NEURL1B: variants seen among roughly 807,000 people sequenced by gnomAD.
The protein encoded by NEURL1B is neuralized E3 ubiquitin protein ligase 1B, also known as E3 ubiquitin-protein ligase NEURL1B.
Under a neutral mutation model 37.4 loss-of-function variants are expected in NEURL1B, and 13 were observed. That is an observed-to-expected ratio of 0.35 (90% CI 0.23 to 0.55). NEURL1B has a LOEUF of 0.55. Among genes scored for constraint, NEURL1B ranks in the 20% least tolerant of loss-of-function variants. The probability of loss-of-function intolerance (pLI) is 0.89; values close to 1 mark genes in which losing one functional copy is unlikely to be tolerated. For synonymous variants in NEURL1B, 432 were observed against 426.6 expected (o/e 1.01, Z -0.16); for missense variants, 790 against 879.2 (o/e 0.90, Z 1.28).
chr5:172,666,141 A>G (rs1353934108), intron 1 of NEURL1B, among the ~76,000 whole-genome samples: 2 of 151,974 alleles, frequency 1.3e-5, no homozygotes, highest in Non-Finnish European at 2.9e-5. Context: ...GGTTTTTAAA[A>G]GGCAGAGAGA....
At position 172,641,375 on chromosome 5, in the gene NEURL1B, G is replaced by A. The variant is rs1017567218; in HGVS notation, c.-32G>A. The A allele has an allele frequency of 2.4e-5, 33 of 1,380,874 alleles. No individual in the cohort carries two copies. Among genetic ancestry groups the A allele is most frequent in the Non-Finnish European group, 3.0e-5 (32 of 1,067,386 alleles). The allele number at this position is 1,380,874 out of a possible 1,614,324, so 85.5% of individuals were successfully genotyped here. On this transcript the variant is annotated 5_prime_UTR_variant, in exon 1 of 5. Transcript: ENST00000369800. The surrounding 1 kb of genome is among the most constrained non-coding windows in gnomAD (Gnocchi z 6.4). Reference sequence around the variant, plus strand: ...TAATTAGCCTCCGCGCGCCCAGAGCGCGCCGCCGCCAACGCCGCGCCCGAC... The same window carrying A: ...TAATTAGCCTCCGCGCGCCCAGAGCACGCCGCCGCCAACGCCGCGCCCGAC...
In NEURL1B at chr5:172,689,237, G is replaced by C. The variant is rs1758579723; in HGVS notation, c.*2312G>C. 6.6e-6 allele frequency: 1 copy of C among 152,230 alleles called. No homozygotes were observed. Among genetic ancestry groups the C allele is most frequent in the Non-Finnish European group, 1.5e-5 (1 of 68,040 alleles). 9.4% of individuals were successfully genotyped at this position (152,230 alleles called of 1,614,324 possible). A position where few individuals can be genotyped will look rare whatever the true frequency, so the allele number is the denominator to read the frequency against. Reference sequence around the variant, plus strand: ...TTCCTGATGCTCTGAGCGTTACTCAGTGCTACAGAGGAGATGCACACGTCC... The same window carrying C: ...TTCCTGATGCTCTGAGCGTTACTCACTGCTACAGAGGAGATGCACACGTCC... On this transcript the variant is annotated 3_prime_UTR_variant, in exon 5 of 5. Transcript: ENST00000369800.
intron 2 of NEURL1B, among the ~76,000 whole-genome samples, chr5:172,682,037 T>C (rs549067903): frequency 6.6e-6 from 1 of 152,218 alleles, no homozygotes; most frequent in South Asian, 2.1e-4. Context: ...CTATTAATAG[T>C]GAAGGCTATT....
intron 1 of NEURL1B, among the ~76,000 whole-genome samples, chr5:172,660,041 G>A (rs1329683380): frequency 2.6e-5 from 4 of 152,326 alleles, no homozygotes; most frequent in East Asian, 3.9e-4. Context: ...GCATGTACCC[G>A]GCAGCCAGCG....
chr5:172,683,935 G>A lies in NEURL1B; in HGVS notation c.1094G>A (p.Arg365His). 2 of 1,403,552 alleles carry A rather than the reference G, an allele frequency of 1.4e-6. No individual in the cohort carries two copies. Among genetic ancestry groups the A allele is most frequent in the Non-Finnish European group, 1.9e-6 (2 of 1,073,304 alleles). 86.9% of individuals were successfully genotyped at this position (1,403,552 alleles called of 1,614,324 possible). A position where few individuals can be genotyped will look rare whatever the true frequency, so the allele number is the denominator to read the frequency against. Reference sequence around the variant, plus strand: ...GCCGACCCAGACGCGCTGCTCGACCGCAAAGAGTACTGGGTGGTGGCGCGC... The same window carrying A: ...GCCGACCCAGACGCGCTGCTCGACCACAAAGAGTACTGGGTGGTGGCGCGC... ...LPADPDALLD[R>H]KEYWVVARAG... is the part of the protein sequence containing the mutation. The change falls in exon 3 of 5, where the codon CGC (arginine) becomes CAC (histidine). Residue 365 changes from arginine to histidine, a missense_variant. Physicochemically the swap from Arg to His is conservative, Grantham distance 29 (BLOSUM62 0). Coordinates refer to ENST00000369800, the MANE Select transcript of NEURL1B (RefSeq NM_001142651.3). This position sits in a 1 kb window ranked among gnomAD's most constrained non-coding sequence, Gnocchi z 5.6.
At position 172,641,376 on chromosome 5, in the gene NEURL1B, C is replaced by T. The variant is rs1199313406; in HGVS notation, c.-31C>T. On this transcript the variant is annotated 5_prime_UTR_variant, in exon 1 of 5. Transcript: ENST00000369800. This position sits in a 1 kb window ranked among gnomAD's most constrained non-coding sequence, Gnocchi z 6.4. ...AATTAGCCTCCGCGCGCCCAGAGCG[C>T]GCCGCCGCCAACGCCGCGCCCGACG... 1.4e-6 allele frequency: 2 copies of T among 1,384,636 alleles called. No homozygotes were observed. Among genetic ancestry groups the T allele is most frequent in the Non-Finnish European group, 9.3e-7 (1 of 1,069,618 alleles). The allele number at this position is 1,384,636 out of a possible 1,614,324, so 85.8% of individuals were successfully genotyped here.
In NEURL1B at chr5:172,686,772, G is replaced by A. The variant is rs1203890918; in HGVS notation, c.1515G>A (p.Val505=). 1.3e-6 allele frequency: 2 copies of A among 1,551,792 alleles called. No homozygotes were observed. The highest frequency in any genetic ancestry group is 2.4e-5 in the East Asian group (1 of 40,910). The change falls in exon 5 of 5, where the codon GTG becomes GTA. Residue 505 remains valine (V), a synonymous_variant. Coordinates refer to ENST00000369800, the MANE Select transcript of NEURL1B (RefSeq NM_001142651.3). The surrounding 1 kb of genome is among the most constrained non-coding windows in gnomAD (Gnocchi z 7.9). ...GCATCAAGAATGGCGAGTGCACGGT[G>A]TGCTTCGATGGCGAGGTGGACACGG... is the stretch of plus-strand genomic sequence containing the variant. ...PAGIKNGECT[V]CFDGEVDTVI...
At chr5:172,684,895 G>T (rs891635938) in intron 3 of NEURL1B, among the ~76,000 whole-genome samples, 1 of 152,178 alleles carries the variant, frequency 6.6e-6, no homozygotes, top group Non-Finnish European at 1.5e-5. Flanking sequence ...TTCCCAGAGA[G>T]CCTGGCTCCA....
intron 1 of NEURL1B, among the ~76,000 whole-genome samples, chr5:172,646,748 A>C (rs910354774): frequency 6.6e-6 from 1 of 152,078 alleles, no homozygotes; most frequent in African/African-American, 2.4e-5. Flanking sequence ...GGCTTCCTGG[A>C]GGAGGTGCGC....
rs1758619118 is a variant in NEURL1B, at chr5:172,690,292, C to CA, written c.*3368dup. 1 of 152,266 alleles carries CA rather than the reference C, an allele frequency of 6.6e-6. No homozygotes were observed. The highest frequency in any genetic ancestry group is 1.5e-5 in the Non-Finnish European group (1 of 68,068). The allele number at this position is 152,266 out of a possible 1,614,324, so 9.4% of individuals were successfully genotyped here. ...TCCCCTGGGATGGAGCTGCTCCCCT[C>CA]ACGGCAGCACCACGTTTCCAGTCCC... On this transcript the variant is annotated 3_prime_UTR_variant, in exon 5 of 5. Coordinates refer to ENST00000369800, the MANE Select transcript of NEURL1B (RefSeq NM_001142651.3).
At chr5:172,644,049 G>A (rs886673343) in intron 1 of NEURL1B, among the ~76,000 whole-genome samples, 1 of 151,942 alleles carries the variant, frequency 6.6e-6, no homozygotes, top group African/African-American at 2.4e-5. Flanking sequence ...TCCTTAGCAC[G>A]TGTCACTATG....
Position 172,683,751 on chromosome 5 carries a change from C to A in NEURL1B, c.910C>A (p.Pro304Thr). Reference protein sequence around the residue: ...ADRKVACAPRPDGGRTLVFSE... With the variant: ...ADRKVACAPRTDGGRTLVFSE... ...CCGCAAAGTGGCCTGCGCACCGCGG[C>A]CCGACGGCGGCCGCACGCTGGTCTT... is the stretch of plus-strand genomic sequence containing the variant. Residue 304 changes from proline to threonine, a missense_variant, in exon 3 of 5, where the codon CCC becomes ACC. Pro to Thr is a conservative substitution (Grantham distance 38, BLOSUM62 -1). This residue lies in a region of NEURL1B where 460 missense variants were observed against 407.4 expected (regional missense o/e 1.13). Transcript: ENST00000369800. This position sits in a 1 kb window ranked among gnomAD's most constrained non-coding sequence, Gnocchi z 5.6. 7.6e-7 allele frequency: 1 copy of A among 1,317,696 alleles called. No individual in the cohort carries two copies. The highest frequency in any genetic ancestry group is 9.7e-7 in the Non-Finnish European group (1 of 1,028,166). The allele number at this position is 1,317,696 out of a possible 1,614,324, so 81.6% of individuals were successfully genotyped here. A position where few individuals can be genotyped will look rare whatever the true frequency, so the allele number is the denominator to read the frequency against.
At chr5:172,644,549 G>A (rs1757527552) in intron 1 of NEURL1B, among the ~76,000 whole-genome samples, 1 of 152,212 alleles carries the variant, frequency 6.6e-6, no homozygotes, top group African/African-American at 2.4e-5. Flanking sequence ...AAGTGCATCA[G>A]CATATTCAGA....
At chr5:172,645,718 G>A (rs1757546816) in intron 1 of NEURL1B, among the ~76,000 whole-genome samples, 1 of 152,152 alleles carries the variant, frequency 6.6e-6, no homozygotes, top group African/African-American at 2.4e-5. Context: ...CTCTATCAGT[G>A]ATTCTGTAGA....
At chr5:172,660,878 AC>A (rs1757887268) in intron 1 of NEURL1B, among the ~76,000 whole-genome samples, 1 of 151,554 alleles carries the variant, frequency 6.6e-6, no homozygotes, top group Non-Finnish European at 1.5e-5. Context: ...TGATCTGTCC[AC>A]CTCGGCCTTA....
rs138220033 is a variant in NEURL1B, at chr5:172,663,829, T to TTTTTTATTA, written c.32-5954_32-5953insTTTATTATT. Among the ~76,000 whole-genome samples the TTTTTTATTA allele has an allele frequency of 1.3e-3, 188 of 140,846 alleles. 1 individual carries two copies. Among genetic ancestry groups the TTTTTTATTA allele is most frequent in the African/African-American group, 3.9e-3 (149 of 38,580 alleles). The allele number at this position is 140,846 out of a possible 152,430, so 92.4% of individuals were successfully genotyped here. ...TTCCTGGCAAAAGAGGTTTTATTTG[T>TTTTTTATTA]TTATTATTATTATTATTATTATTAT... On this transcript the variant is annotated intron_variant, in intron 1 of 4. Coordinates refer to ENST00000369800, the MANE Select transcript of NEURL1B (RefSeq NM_001142651.3).
chr5:172,645,143 C>T (rs1757537210), intron 1 of NEURL1B, among the ~76,000 whole-genome samples: 1 of 152,158 alleles, frequency 6.6e-6, no homozygotes, highest in African/African-American at 2.4e-5. Flanking sequence ...AAGGGCTTTA[C>T]CCACAGTATC....
In NEURL1B at chr5:172,675,666, G is replaced by T. The variant is rs1314824862; in HGVS notation, c.577+5336G>T. Among the ~76,000 whole-genome samples, 1 of 151,988 alleles carries T rather than the reference G, an allele frequency of 6.6e-6. No homozygotes were observed. Among genetic ancestry groups the T allele is most frequent in the African/African-American group, 2.4e-5 (1 of 41,364 alleles). ...TGGCTCCAGGAAGCATTTATCACAG[G>T]TGGAATATCCCTTGTCGGAAATGCT... On this transcript the variant is annotated intron_variant, in intron 2 of 4. Coordinates refer to ENST00000369800, the MANE Select transcript of NEURL1B (RefSeq NM_001142651.3). This position sits in a 1 kb window ranked among gnomAD's most constrained non-coding sequence, Gnocchi z 4.7.
intron 1 of NEURL1B, among the ~76,000 whole-genome samples, chr5:172,663,293 C>T (rs555961929): frequency 5.3e-5 from 8 of 151,882 alleles, no homozygotes; most frequent in East Asian, 1.9e-4. Flanking sequence ...GAGGCTGAGG[C>T]AGGTGGATCA....
Sources: allele counts gnomAD v4.1 joint callset (sites outside exome capture counted in the v4.1 genomes callset), GRCh38; gene constraint gnomAD v4.1.1; regional missense constraint gnomAD v4.1.1; non-coding constraint Gnocchi (gnomAD v3.1); transcripts MANE v1.5; gene names NCBI Gene and HGNC (gene_info 2026-07-23, HGNC 2026-07-21).